The following TMTC1 variants were observed in gnomAD, a reference collection of about 807,000 sequenced individuals.
The protein encoded by TMTC1 is protein O-mannosyl-transferase TMTC1.
Under a neutral mutation model 104.8 loss-of-function variants are expected in TMTC1, and 73 were observed. That is an observed-to-expected ratio of 0.70 (90% CI 0.58 to 0.85). The LOEUF is 0.85. Ranked by LOEUF, TMTC1 falls within the 40% of genes least tolerant of loss-of-function variation. The probability of loss-of-function intolerance (pLI) is 0.00; values close to 1 mark genes in which losing one functional copy is unlikely to be tolerated. For missense variants in TMTC1, 1,035 were observed against 1,096.1 expected (o/e 0.94, Z 0.79); for synonymous variants, 434 against 428.7 (o/e 1.01, Z -0.15).
At chr12:29,731,614 G>T (rs1482866301) in intron 5 of TMTC1, among the ~76,000 whole-genome samples, 1 of 150,792 alleles carries the variant, frequency 6.6e-6, no homozygotes, top group Non-Finnish European at 1.5e-5. Context: ...CAATGACCAT[G>T]AGCAGTAGGA....
Position 29,552,117 on chromosome 12 carries a change from G to T in TMTC1, c.1676+4740C>A, listed in dbSNP as rs188715191. Among the ~76,000 whole-genome samples, 51 of 152,194 alleles carry T rather than the reference G, an allele frequency of 3.4e-4. No homozygotes were observed. In the East Asian group the frequency reaches 7.2e-3, roughly 21 times the overall value. On this transcript the variant is annotated intron_variant, in intron 10 of 17. Transcript: ENST00000539277. ...ATTTAGAGCTTCTGGCCTGGACAAA[G>T]ACTCATATTTCTTTCGAAGTCAAGG...
At chr12:29,544,358 C>T (rs1424424747) in intron 10 of TMTC1, among the ~76,000 whole-genome samples, 1 of 152,134 alleles carries the variant, frequency 6.6e-6, no homozygotes, top group Admixed American at 6.5e-5. Context: ...CCTCCCACCC[C>T]CCATCCTACC....
At chr12:29,749,051 C>T (rs902409683) in intron 5 of TMTC1, among the ~76,000 whole-genome samples, 1 of 152,118 alleles carries the variant, frequency 6.6e-6, no homozygotes, top group African/African-American at 2.4e-5. Flanking sequence ...AAGTCACACT[C>T]GTAGCTTGCA....
intron 5 of TMTC1, among the ~76,000 whole-genome samples, chr12:29,749,145 A>T (rs1943027854): frequency 1.3e-5 from 2 of 152,132 alleles, no homozygotes; most frequent in Non-Finnish European, 2.9e-5. Flanking sequence ...TTAAACAATT[A>T]GCAGCATACC....
chr12:29,604,186 G>A lies in TMTC1; in HGVS notation c.1242C>T (p.Tyr414=). The change falls in exon 7 of 18, where the codon TAC becomes TAT. Residue 414 remains tyrosine, a synonymous_variant. Coordinates refer to ENST00000539277, the MANE Select transcript of TMTC1 (RefSeq NM_001193451.2). The part of the protein sequence containing the change: ...VGFVVAERVL[Y]MPSMGYCILF... ...TCACGTGCAATAGTTACCTAGGCATGTAAAGGACTCTCTCCGCCACCACAA... is the reference window on the plus strand; with the variant it reads ...TCACGTGCAATAGTTACCTAGGCATATAAAGGACTCTCTCCGCCACCACAA... 1 of 1,613,714 alleles carries A rather than the reference G, an allele frequency of 6.2e-7. No individual in the cohort carries two copies. The highest frequency in any genetic ancestry group is 2.2e-5 in the East Asian group (1 of 44,836).
intron 5 of TMTC1, among the ~76,000 whole-genome samples, chr12:29,693,884 T>C (rs1009455234): frequency 6.6e-5 from 10 of 152,350 alleles, no homozygotes; most frequent in African/African-American, 2.2e-4. Context: ...TTAGTTCTCT[T>C]GGTATTTGTA....
intron 1 of TMTC1, among the ~76,000 whole-genome samples, chr12:29,774,370 T>A (rs985692837): frequency 1.3e-5 from 2 of 152,188 alleles, no homozygotes; most frequent in Admixed American, 1.3e-4. Context: ...GCTGCTAGTA[T>A]TGCCCAGCTT....
chr12:29,619,113 A>G (rs1020713019), intron 6 of TMTC1, among the ~76,000 whole-genome samples: 1 of 152,196 alleles, frequency 6.6e-6, no homozygotes, highest in Admixed American at 6.5e-5. Flanking sequence ...GTGATGTCTG[A>G]TAACTTCTTT....
At chr12:29,650,259 A>G (rs1469591962) in intron 5 of TMTC1, among the ~76,000 whole-genome samples, 1 of 151,694 alleles carries the variant, frequency 6.6e-6, no homozygotes, top group Non-Finnish European at 1.5e-5. Flanking sequence ...TAATGTTTGT[A>G]TTTTTAGTAG....
At chr12:29,569,643 C>T (rs1056703914) in intron 9 of TMTC1, among the ~76,000 whole-genome samples, 6 of 152,142 alleles carry the variant, frequency 3.9e-5, no homozygotes, top group African/African-American at 1.4e-4. Context: ...CTGGTATTTT[C>T]CTTTTCCCTC....
intron 5 of TMTC1, among the ~76,000 whole-genome samples, chr12:29,703,474 C>A (rs988070625): frequency 5.9e-5 from 9 of 152,142 alleles, no homozygotes; most frequent in African/African-American, 2.2e-4. Context: ...GACTCTAATA[C>A]CACCTGCGAA....
intron 1 of TMTC1, among the ~76,000 whole-genome samples, chr12:29,777,027 A>G (rs1943725917): frequency 6.6e-6 from 1 of 152,152 alleles, no homozygotes; most frequent in Non-Finnish European, 1.5e-5. Flanking sequence ...GAAAAGAAAC[A>G]GTATCTTATT....
At chr12:29,616,581 T>C (rs983368122) in intron 6 of TMTC1, among the ~76,000 whole-genome samples, 1 of 149,096 alleles carries the variant, frequency 6.7e-6, no homozygotes, top group Non-Finnish European at 1.5e-5. Flanking sequence ...GGCAGGAGAA[T>C]CGCTTGAATC....
intron 7 of TMTC1, among the ~76,000 whole-genome samples, chr12:29,592,866 T>TAAAAA (rs1240499529): frequency 2.6e-5 from 4 of 152,202 alleles, no homozygotes; most frequent in African/African-American, 9.6e-5. Flanking sequence ...CTAAATAGAG[T>TAAAAA]AAGAAGCAGG....
chr12:29,572,047 G>T, intron 9 of TMTC1, 58 bp downstream of exon 9: 1 of 1,379,830 alleles, frequency 7.2e-7, no homozygotes, highest in African/African-American at 1.4e-5. Context: ...AGGGCCAAGT[G>T]AAATAAACAA....
At chr12:29,559,288 G>A (rs2136268402) in intron 9 of TMTC1, among the ~76,000 whole-genome samples, 1 of 152,320 alleles carries the variant, frequency 6.6e-6, no homozygotes, top group South Asian at 2.1e-4. Flanking sequence ...GCTCACCCAT[G>A]TAAGGTGCCT....
intron 5 of TMTC1, among the ~76,000 whole-genome samples, chr12:29,644,053 AATATAAATATATAATTT>A (rs1939129616): frequency 2.8e-5 from 1 of 35,172 alleles, no homozygotes; most frequent in African/African-American, 7.8e-5. Context: ...TTTATATATA[AATATAAATATATAATTT>A]ATAGATAAAT....
intron 5 of TMTC1, chr12:29,660,763 A>T: frequency 1.3e-6 from 1 of 755,212 alleles, no homozygotes; most frequent in Non-Finnish European, 1.8e-6. Context: ...ATTCCTTATC[A>T]GATATTTCAA....
chr12:29,695,830 A>ATATATATATAT, intron 5 of TMTC1, among the ~76,000 whole-genome samples: 1 of 66,010 alleles, frequency 1.5e-5, no homozygotes, highest in Non-Finnish European at 4.2e-5. Flanking sequence ...TATATATATA[A>ATATATATATAT]CCTGTCTTCA....
Sources: allele counts gnomAD v4.1 joint callset (sites outside exome capture counted in the v4.1 genomes callset), GRCh38; gene constraint gnomAD v4.1.1; transcripts MANE v1.5; gene names NCBI Gene and HGNC (gene_info 2026-07-23, HGNC 2026-07-21).